The following TMEM254 variants were observed in gnomAD, a reference collection of about 807,000 sequenced individuals.
TMEM254 encodes transmembrane protein 254, also known as transmembrane protein C10orf57.
In TMEM254, 16 loss-of-function variants were observed where a neutral mutation model predicts 13.9. The observed-to-expected ratio is 1.15, with a 90% CI of 0.78 to 1.75. The LOEUF (loss-of-function observed/expected upper bound fraction) is 1.75. Ranked by LOEUF, TMEM254 falls within the 40% of genes most tolerant of loss-of-function variation. The probability of loss-of-function intolerance (pLI) is 0.00; values close to 1 mark genes in which losing one functional copy is unlikely to be tolerated. For synonymous variants in TMEM254, 61 were observed against 56.4 expected (o/e 1.08, Z -0.36); for missense variants, 155 against 149.0 (o/e 1.04, Z -0.21).
chr10:80,089,451 A>G (rs1475193449), intron 3 of TMEM254, among the ~76,000 whole-genome samples: 3 of 151,984 alleles, frequency 2.0e-5, no homozygotes, highest in Non-Finnish European at 4.4e-5. Context: ...TGGGAGAATC[A>G]GTTGAAGCCA....
chr10:80,086,618 G>A (rs7914032), intron 3 of TMEM254, among the ~76,000 whole-genome samples: 66,500 of 151,540 alleles, frequency 0.44, 14,894 homozygotes, highest in East Asian at 0.71. Context: ...CAAGGCGGAC[G>A]GATCACCAGG....
chr10:80,078,757 GTCA>G lies in TMEM254; in HGVS notation c.62_64del (p.Ile21del). The G allele has an allele frequency of 6.2e-7, 1 of 1,608,726 alleles. No individual in the cohort carries two copies. The highest frequency in any genetic ancestry group is 1.7e-5 in the Admixed American group (1 of 59,510). ...GCGAGGCAGTCTGTTCTGGTTCACAGTCATCACCCTCAGCTTTGGCTACTACAC... is the reference window on the plus strand; with the variant it reads ...GCGAGGCAGTCTGTTCTGGTTCACAGTCACCCTCAGCTTTGGCTACTACAC... On this transcript the variant is annotated inframe_deletion, in exon 1 of 4. Coordinates refer to ENST00000372281, the MANE Select transcript of TMEM254 (RefSeq NM_025125.4).
At chr10:80,085,098 ACGTG>A (rs903261030) in intron 3 of TMEM254, among the ~76,000 whole-genome samples, 2 of 152,082 alleles carry the variant, frequency 1.3e-5, no homozygotes, top group Non-Finnish European at 2.9e-5. Flanking sequence ...GGGATTACAG[ACGTG>A]AGCCACCGCA....
intron 3 of TMEM254, among the ~76,000 whole-genome samples, chr10:80,089,155 A>ATTTC (rs1844456691): frequency 1.3e-5 from 2 of 151,904 alleles, no homozygotes; most frequent in Admixed American, 6.6e-5. Context: ...ATACAGTTTT[A>ATTTC]TTTCTTTCTT....
At chr10:80,082,353 A>C (rs1844083008) in intron 3 of TMEM254, 149 bp downstream of exon 3, 1 of 817,436 alleles carries the variant, frequency 1.2e-6, no homozygotes, top group African/African-American at 1.7e-5. Flanking sequence ...AGCCTGGAGC[A>C]GAGGCAGTAC....
chr10:80,090,726 T>G (rs1311283663), intron 3 of TMEM254, 71 bp from the exon 4 acceptor site: 9 of 1,450,948 alleles, frequency 6.2e-6, no homozygotes, highest in Non-Finnish European at 8.5e-6. Context: ...AATATATATA[T>G]AGAAGACAAT....
chr10:80,091,658 G>C lies in TMEM254; in HGVS notation c.*741G>C, dbSNP rs1564576103. On this transcript the variant is annotated 3_prime_UTR_variant, in exon 4 of 4. Transcript: ENST00000372281. ...ATGGCACTGCTAGATTGCTCCTTCA[G>C]CTCAGGGCCACAGCTTAAACAGCTT... 1 of 152,332 alleles carries C rather than the reference G, an allele frequency of 6.6e-6. No individual in the cohort carries two copies. Among genetic ancestry groups the C allele is most frequent in the African/African-American group, 2.4e-5 (1 of 41,470 alleles). The allele number at this position is 152,332 out of a possible 1,614,324, so 9.4% of individuals were successfully genotyped here. A position where few individuals can be genotyped will look rare whatever the true frequency, so the allele number is the denominator to read the frequency against.
chr10:80,089,579 AAGGTG>A (rs1307034867), intron 3 of TMEM254, among the ~76,000 whole-genome samples: 1 of 152,088 alleles, frequency 6.6e-6, no homozygotes, highest in Non-Finnish European at 1.5e-5. Flanking sequence ...TTGGGAAGCT[AAGGTG>A]GGAGGATAGC....
chr10:80,079,097 G>A (rs977509827), intron 1 of TMEM254: 5 of 1,397,366 alleles, frequency 3.6e-6, no homozygotes, highest in South Asian at 2.4e-5. Context: ...TGGTGAAGTC[G>A]GAGGCCAGCA....
rs532089959 is a variant in TMEM254, at chr10:80,084,445, TC to T, written c.251+2243del. 2.0e-5 allele frequency among the ~76,000 whole-genome samples: 3 copies of T among 152,262 alleles called. No individual in the cohort carries two copies. In the East Asian group the frequency reaches 5.8e-4, roughly 29 times the overall value. ...TCTGTATGGCTCACAGTAAACAACT[TC>T]CGTATCCCTCCAGTGGGATAATCTA... On this transcript the variant is annotated intron_variant, in intron 3 of 3. Coordinates refer to ENST00000372281, the MANE Select transcript of TMEM254 (RefSeq NM_025125.4).
chr10:80,082,160 G>C lies in TMEM254; in HGVS notation c.207G>C (p.Trp69Cys). 2 of 1,614,190 alleles carry C rather than the reference G, an allele frequency of 1.2e-6. No homozygotes were observed. The highest frequency in any genetic ancestry group is 2.2e-5 in the South Asian group (2 of 91,066). Residue 69 changes from tryptophan to cysteine, a missense_variant, in exon 3 of 4, where the codon TGG becomes TGC. By Grantham distance (215) the Trp-to-Cys change is radical. Coordinates refer to ENST00000372281, the MANE Select transcript of TMEM254 (RefSeq NM_025125.4). ...TTGGTTTCAGGTATTGGCTTGCCTG[G>C]CTGATTCATGTGGGAGAGTCCTTGT... ...TLLCNGYWLA[W>C]LIHVGESLYA... is the part of the protein sequence containing the mutation.
chr10:80,079,211 G>GGGGGC, intron 1 of TMEM254: 1 of 1,000,110 alleles, frequency 1.0e-6, no homozygotes, highest in Non-Finnish European at 1.4e-6. Context: ...GGCGGGGCGG[G>GGGGGC]CCTCTGTTTT....
At chr10:80,078,873 G>A (rs1843788865) in intron 1 of TMEM254, 87 bp downstream of exon 1, 4 of 1,530,510 alleles carry the variant, frequency 2.6e-6, no homozygotes, top group East Asian at 2.5e-5. Flanking sequence ...GCCGCGGGCC[G>A]GGGGAAGTCG....
At chr10:80,080,884 A>G (rs1399004739) in intron 1 of TMEM254, among the ~76,000 whole-genome samples, 1 of 152,208 alleles carries the variant, frequency 6.6e-6, no homozygotes, top group East Asian at 1.9e-4. Context: ...GTTGGAGATC[A>G]GCCTGGCCAA....
chr10:80,086,580 C>A, intron 3 of TMEM254: 1 of 163,476 alleles, frequency 6.1e-6, no homozygotes, highest in Non-Finnish European at 1.3e-5. Context: ...CGGTGGCTCA[C>A]GCCTGTAATC....
intron 1 of TMEM254, chr10:80,079,579 A>G (rs1322418103): frequency 1.0e-6 from 1 of 995,534 alleles, no homozygotes; most frequent in Admixed American, 5.6e-5. Flanking sequence ...AGAGGCTATA[A>G]CTGTTCTGAC....
At chr10:80,082,237 C>T in intron 3 of TMEM254, 33 bp downstream of exon 3, 2 of 1,609,230 alleles carry the variant, frequency 1.2e-6, no homozygotes, top group Non-Finnish European at 1.7e-6. Flanking sequence ...TGTTGCCTTT[C>T]TCTTAGTAGC....
intron 3 of TMEM254, among the ~76,000 whole-genome samples, chr10:80,084,967 AGGC>A (rs1258094016): frequency 6.6e-6 from 1 of 151,954 alleles, no homozygotes. Context: ...CTGAGATTAC[AGGC>A]GCCCGCCACC....
At chr10:80,090,352 G>A (rs929260523) in intron 3 of TMEM254, 6 of 717,220 alleles carry the variant, frequency 8.4e-6, no homozygotes, top group African/African-American at 1.7e-5. Flanking sequence ...GACTCAGTGA[G>A]ATAGCTACTG....
Sources: allele counts gnomAD v4.1 joint callset (sites outside exome capture counted in the v4.1 genomes callset), GRCh38; gene constraint gnomAD v4.1.1; transcripts MANE v1.5; gene names NCBI Gene and HGNC (gene_info 2026-07-23, HGNC 2026-07-21).